DNM3: variants seen among roughly 807,000 people sequenced by gnomAD.
DNM3 encodes the protein dynamin 3.
A neutral mutation model predicts 101.6 loss-of-function variants in DNM3; 47 were observed. The ratio of observed to expected loss-of-function variants is 0.46; its 90% CI spans 0.37 to 0.59. The LOEUF is 0.59. DNM3 is among the 20% of genes least tolerant of loss of function. The pLI is 0.00. For synonymous variants in DNM3, 385 were observed against 387.9 expected, an observed-to-expected ratio of 0.99 and a Z score of 0.09; for missense variants, 849 against 1,085.7, an observed-to-expected ratio of 0.78 and a Z score of 3.06.
intron 10 of DNM3, among the ~76,000 whole-genome samples, chr1:172,058,272 A>G: frequency 6.6e-6 from 1 of 151,984 alleles, no homozygotes; most frequent in East Asian, 1.9e-4. Context: ...CACTGTCAAC[A>G]TTAGACAGAT....
chr1:172,289,691 T>G (rs1247255249), intron 15 of DNM3: 1 of 984,720 alleles, frequency 1.0e-6, no homozygotes, highest in East Asian at 1.1e-4. Context: ...TGTACCTGAT[T>G]GTGATTTTGT....
At chr1:172,164,308 T>G (rs615091) in intron 14 of DNM3, among the ~76,000 whole-genome samples, 71,856 of 148,542 alleles carry the variant, frequency 0.48, 18,884 homozygotes, top group African/African-American at 0.69. Flanking sequence ...AGTGTTAAGG[T>G]CTGTGTTCAG....
At chr1:171,980,437 G>C (rs559065964) in intron 2 of DNM3, among the ~76,000 whole-genome samples, 3 of 152,100 alleles carry the variant, frequency 2.0e-5, no homozygotes, top group African/African-American at 7.2e-5. Flanking sequence ...CAGACATTTA[G>C]CATTTCTTAG....
chr1:172,417,541 A>C (rs549952125), downstream of DNM3, among the ~76,000 whole-genome samples: 30 of 152,292 alleles, frequency 2.0e-4, no homozygotes, highest in South Asian at 6.2e-3. Context: ...CCTTGGGCCC[A>C]CTTCAGAACA....
chr1:172,414,513 C>A (rs909234411), downstream of DNM3, among the ~76,000 whole-genome samples: 1 of 152,156 alleles, frequency 6.6e-6, no homozygotes, highest in Non-Finnish European at 1.5e-5. Context: ...ATTTCTCAGA[C>A]TTATTTGACC....
At chr1:171,910,035 G>A (rs932312492) in intron 1 of DNM3, among the ~76,000 whole-genome samples, 1 of 152,186 alleles carries the variant, frequency 6.6e-6, no homozygotes, top group African/African-American at 2.4e-5. Context: ...GTTGATTTAA[G>A]CATTCATTCC....
chr1:172,223,272 CT>C (rs398049746), intron 14 of DNM3, among the ~76,000 whole-genome samples: 1,518 of 135,518 alleles, frequency 0.011, 14 homozygotes, highest in African/African-American at 0.031. Flanking sequence ...TTTTTCTTTT[CT>C]TTTTTTTTTT....
chr1:171,941,983 T>A (rs2041844839), intron 2 of DNM3, among the ~76,000 whole-genome samples: 1 of 152,178 alleles, frequency 6.6e-6, no homozygotes, highest in East Asian at 1.9e-4. Context: ...TATTTTGCTA[T>A]TTTTTATATT....
At chr1:172,254,156 G>T (rs554990929) in intron 15 of DNM3, among the ~76,000 whole-genome samples, 24 of 152,070 alleles carry the variant, frequency 1.6e-4, no homozygotes, top group African/African-American at 5.6e-4. Context: ...AACTACCTGG[G>T]TGCAAGAGAT....
At chr1:172,312,228 C>T (rs1228343954) in intron 16 of DNM3, among the ~76,000 whole-genome samples, 1 of 152,168 alleles carries the variant, frequency 6.6e-6, no homozygotes, top group Non-Finnish European at 1.5e-5. Flanking sequence ...ATTTTGCTTT[C>T]ATGTCAATAA....
intron 18 of DNM3, among the ~76,000 whole-genome samples, chr1:172,384,399 T>A: frequency 6.6e-6 from 1 of 152,228 alleles, no homozygotes; most frequent in East Asian, 1.9e-4. Context: ...GTGCTGGGCA[T>A]CATGCTAGAC....
intron 2 of DNM3, among the ~76,000 whole-genome samples, chr1:171,941,445 G>A (rs2041809009): frequency 6.6e-6 from 1 of 152,156 alleles, no homozygotes; most frequent in African/African-American, 2.4e-5. Flanking sequence ...ACTGAGGAAG[G>A]TATACATACT....
At position 172,412,289 on chromosome 1, in the gene DNM3, A is replaced by G. The variant is rs879333581; in HGVS notation, c.*4448A>G. On this transcript the variant is annotated 3_prime_UTR_variant, in exon 21 of 21. Transcript: ENST00000627582. ...ATGTTTTAAAATTATGACAAAAATT[A>G]CTCTGTCTAACCACTTGCCTTGTCT... 60 of 985,180 alleles carry G rather than the reference A, an allele frequency of 6.1e-5. No homozygotes were observed. Among genetic ancestry groups the G allele is most frequent in the Non-Finnish European group, 7.1e-5 (59 of 829,798 alleles). 61.0% of individuals were successfully genotyped at this position (985,180 alleles called of 1,614,324 possible).
Position 172,298,874 on chromosome 1 carries a change from A to AAG in DNM3, c.1770-9854_1770-9853insAG, listed in dbSNP as rs1276660989. 3.9e-3 allele frequency among the ~76,000 whole-genome samples: 560 copies of AAG among 142,062 alleles called. 3 individuals carry two copies. Among genetic ancestry groups the AAG allele is most frequent in the Middle Eastern group, 0.018 (5 of 278 alleles). 93.2% of individuals were successfully genotyped at this position (142,062 alleles called of 152,430 possible). On this transcript the variant is annotated intron_variant, in intron 15 of 20. Coordinates refer to ENST00000627582, the MANE Select transcript of DNM3 (RefSeq NM_015569.5). ...GAAAGAAAGAAAGAGAGAGAGAGAGAGAAAGACAGAGAAAGAAAGAAAGGA... is the reference window on the plus strand; with the variant it reads ...GAAAGAAAGAAAGAGAGAGAGAGAGAAGGAAAGACAGAGAAAGAAAGAAAGGA...
chr1:171,962,089 T>C (rs544343569), intron 2 of DNM3, among the ~76,000 whole-genome samples: 3 of 152,234 alleles, frequency 2.0e-5, no homozygotes, highest in African/African-American at 7.2e-5. Context: ...GGTTTCACTT[T>C]CTCTTCTTAT....
At chr1:172,082,304 T>A (rs933008812) in intron 12 of DNM3, among the ~76,000 whole-genome samples, 1 of 151,416 alleles carries the variant, frequency 6.6e-6, no homozygotes, top group African/African-American at 2.4e-5. Flanking sequence ...TCAACTTTTC[T>A]AAGTCAGAAT....
chr1:172,342,581 A>C (rs2066738221), intron 17 of DNM3, among the ~76,000 whole-genome samples: 1 of 152,140 alleles, frequency 6.6e-6, no homozygotes, highest in Admixed American at 6.6e-5. Context: ...CCAAGGAGAG[A>C]AACAACAGAC....
In DNM3 at chr1:172,387,315, G is replaced by A. The variant is rs369602986; in HGVS notation, c.2241G>A (p.Pro747=). 76 of 1,613,754 alleles carry A rather than the reference G, an allele frequency of 4.7e-5. No individual in the cohort carries two copies. The highest frequency in any genetic ancestry group is 3.5e-4 in the African/African-American group (26 of 75,008). The change falls in exon 19 of 21, where the codon CCG becomes CCA. Residue 747 remains proline (P), a synonymous_variant. Coordinates refer to ENST00000627582, the MANE Select transcript of DNM3 (RefSeq NM_015569.5). The part of the protein sequence containing the change: ...GDISTATVST[P]APPPVDDSWI... The stretch of plus-strand genomic sequence containing the variant: ...TCAGCACAGCCACCGTGTCCACTCC[G>A]GCACCCCCTCCAGTGGATGACTCCT...
At chr1:172,377,360 T>C (rs1558062012) in intron 17 of DNM3, among the ~76,000 whole-genome samples, 1 of 151,700 alleles carries the variant, frequency 6.6e-6, no homozygotes, top group Admixed American at 6.6e-5. Context: ...TGGGAAGTGG[T>C]AGTAGGTTTA....
Sources: allele counts gnomAD v4.1 joint callset (sites outside exome capture counted in the v4.1 genomes callset), GRCh38; gene constraint gnomAD v4.1.1; transcripts MANE v1.5; gene names NCBI Gene and HGNC (gene_info 2026-07-23, HGNC 2026-07-21).